PKD1: variants seen among roughly 807,000 people sequenced by gnomAD.
The protein encoded by PKD1 is polycystin-1.
Under a neutral mutation model 361.7 loss-of-function variants are expected in PKD1, and 81 were observed. The observed-to-expected ratio is 0.22, with a 90% CI of 0.19 to 0.27. The LOEUF (loss-of-function observed/expected upper bound fraction) is 0.27. Among genes scored for constraint, PKD1 ranks in the 10% least tolerant of loss-of-function variants. PKD1 has a pLI of 1.00. For missense variants in PKD1, 6,399 were observed against 6,118.3 expected, an observed-to-expected ratio of 1.05 and a Z score of -1.53; for synonymous variants, 3,615 against 2,818.3, an observed-to-expected ratio of 1.28 and a Z score of -8.95.
Position 2,097,733 on chromosome 16 carries a change from A to C in PKD1, c.10215T>G (p.Ser3405=). The change falls in exon 32 of 46, where the codon TCT becomes TCG. Residue 3405 remains serine, a synonymous_variant. Transcript: ENST00000262304. Reference sequence around the variant, plus strand: ...GGTTTCTCTAGGGAACCCACCTCTTAGAATCATCCAGAAACAAGTCACTCT... The same window carrying C: ...GGTTTCTCTAGGGAACCCACCTCTTCGAATCATCCAGAAACAAGTCACTCT... The part of the protein sequence containing the change: ...QMKSDLFLDD[S]KSLVCWPSGE... 3.1e-6 allele frequency: 5 copies of C among 1,611,148 alleles called. No individual in the cohort carries two copies. The highest frequency in any genetic ancestry group is 4.2e-6 in the Non-Finnish European group (5 of 1,179,800).
At position 2,114,639 on chromosome 16, in the gene PKD1, C is replaced by T. The variant is rs771151140; in HGVS notation, c.2384G>A (p.Arg795His). The change falls in exon 11 of 46, where the codon CGC becomes CAC. Residue 795 changes from arginine to histidine, a missense_variant. By Grantham distance (29) the Arg-to-His change is conservative (BLOSUM62 0). Transcript: ENST00000262304. Reference protein sequence around the residue: ...RPNPGLRLPGRYEVRAEVGNG... With the variant: ...RPNPGLRLPGHYEVRAEVGNG... ...GCCCACCTCTGCCCGGACCTCATAG[C>T]GCCCAGGCAGCCGCAGTCCAGGGTT... is the stretch of plus-strand genomic sequence containing the variant. The T allele has an allele frequency of 1.7e-5, 27 of 1,564,622 alleles. No individual in the cohort carries two copies. The highest frequency in any genetic ancestry group is 2.3e-5 in the South Asian group (2 of 86,808).
Position 2,103,714 on chromosome 16 carries a change from G to A in PKD1, c.8343C>T (p.Ile2781=), listed in dbSNP as rs141019984. The change falls in exon 23 of 46, where the codon ATC becomes ATT. Residue 2781 remains isoleucine (I), a synonymous_variant. Transcript: ENST00000262304. ...GGTCCGAGCGCTTGCCCTGGGCCAC[G>A]ATCTCCTCGCCCGCCAGCGTCAGGG... ...EEPLTLAGEE[I]VAQGKRSDPR... 28 of 1,609,928 alleles carry A rather than the reference G, an allele frequency of 1.7e-5. No individual in the cohort carries two copies. The East Asian group carries it at 3.6e-4, about 21-fold the overall frequency.
At position 2,102,988 on chromosome 16, in the gene PKD1, G is replaced by A. The variant is rs1032847730; in HGVS notation, c.8792-18C>T. 6 of 1,600,480 alleles carry A rather than the reference G, an allele frequency of 3.7e-6. No individual in the cohort carries two copies. In the African/African-American group the frequency reaches 5.3e-5, roughly 14 times the overall value. On this transcript the variant is annotated intron_variant, in intron 23 of 45. Coordinates refer to ENST00000262304, the MANE Select transcript of PKD1 (RefSeq NM_001009944.3). ...GTAGTGGCCTGGGGCAGAACGCGCA[G>A]GTCACACGCCTGCCGGGAAGCTCAA...
At chr16:2,125,494 G>A (rs920592654) in intron 1 of PKD1, among the ~76,000 whole-genome samples, 9 of 150,864 alleles carry the variant, frequency 6.0e-5, no homozygotes, top group Admixed American at 2.6e-4. Context: ...TGAGATGCCG[G>A]GGGTGACATG....
At position 2,108,789 on chromosome 16, in the gene PKD1, G is replaced by A. The variant is rs1349579701; in HGVS notation, c.6378C>T (p.Ala2126=). The A allele has an allele frequency of 1.6e-5, 25 of 1,570,334 alleles. No individual in the cohort carries two copies. The highest frequency in any genetic ancestry group is 2.7e-5 in the African/African-American group (2 of 73,758). ...RPGDYRVQVN[A]SNLVSFFVAQ... is the part of the protein sequence containing the mutation. ...CCACGAAGAAGCTCACCAGGTTGGA[G>A]GCGTTCACCTGCACGCGGTAGTCCC... Residue 2126 remains alanine (A), a synonymous_variant, in exon 15 of 46, where the codon GCC becomes GCT. Transcript: ENST00000262304.
At position 2,118,149 on chromosome 16, in the gene PKD1, G is replaced by A. The variant is rs760237424; in HGVS notation, c.843C>T (p.His281=). 56 of 1,587,030 alleles carry A rather than the reference G, an allele frequency of 3.5e-5. No homozygotes were observed. Among genetic ancestry groups the A allele is most frequent in the African/African-American group, 3.1e-4 (23 of 74,362 alleles). The change falls in exon 5 of 46, where the codon CAC becomes CAT. Residue 281 remains histidine (H), a synonymous_variant. Coordinates refer to ENST00000262304, the MANE Select transcript of PKD1 (RefSeq NM_001009944.3). The surrounding 1 kb of genome is among the most constrained non-coding windows in gnomAD (Gnocchi z 6.0). The part of the protein sequence containing the change: ...ASPGATLVGP[H]GPLASGQLAA... ...CTAGCTGGCCAGAGGCCAGAGGTCC[G>A]TGGGGCCCCACCAGGGTGGCCCCTG...
chr16:2,099,998 G>C lies in PKD1; in HGVS notation c.9786C>G (p.Ile3262Met). ...GCGGCCGGTCCCATATGGAGAGCCA[G>C]ATGTGCTTGTCAAAGAAGCCACGCT... ...ELQRGFFDKH[I>M]WLSIWDRPPR... Residue 3262 changes from isoleucine (I) to methionine (M), a missense_variant, in exon 29 of 46, where the codon ATC becomes ATG. Coordinates refer to ENST00000262304, the MANE Select transcript of PKD1 (RefSeq NM_001009944.3). 5 of 1,568,046 alleles carry C rather than the reference G, an allele frequency of 3.2e-6. No homozygotes were observed. Among genetic ancestry groups the C allele is most frequent in the Non-Finnish European group, 4.3e-6 (5 of 1,158,082 alleles).
intron 30 of PKD1, among the ~76,000 whole-genome samples, chr16:2,098,418 C>T (rs1325104067): frequency 6.7e-6 from 1 of 150,292 alleles, no homozygotes; most frequent in African/African-American, 2.5e-5. Flanking sequence ...CTGTGTTGGC[C>T]AGGCTGGTCT....
chr16:2,120,914 G>A (rs1321466538), intron 1 of PKD1, among the ~76,000 whole-genome samples: 1 of 152,106 alleles, frequency 6.6e-6, no homozygotes, highest in Non-Finnish European at 1.5e-5. Flanking sequence ...CCACTCAGGA[G>A]GCTGAGGCAG....
rs138617048 is a variant in PKD1 at position 2,110,806 on chromosome 16, G to A, written c.4361C>T (p.Ala1454Val). 1.3e-5 allele frequency: 21 copies of A among 1,611,372 alleles called. No homozygotes were observed. In the African/African-American group the frequency reaches 1.6e-4, roughly 12 times the overall value. Residue 1454 changes from alanine to valine, a missense_variant, in exon 15 of 46, where the codon GCC (alanine) becomes GTC (valine). Ala to Val is a moderately conservative substitution (Grantham distance 64). Coordinates refer to ENST00000262304, the MANE Select transcript of PKD1 (RefSeq NM_001009944.3). ...CACCTCCACCAGGGCTGAGTCATTG[G>A]CAGCAGAGATGTTGTTGGACGCGGT... ...TVTASNNISA[A>V]NDSALVEVQE...
At chr16:2,105,835 A>G (rs1320283499) in intron 20 of PKD1, 30 bp downstream of exon 20, 1 of 1,589,656 alleles carries the variant, frequency 6.3e-7, no homozygotes, top group East Asian at 2.2e-5. Flanking sequence ...CATGCAGCAG[A>G]TGTGACGTCC....
chr16:2,129,193 C>T (rs2092836847), intron 1 of PKD1, among the ~76,000 whole-genome samples: 1 of 146,512 alleles, frequency 6.8e-6, no homozygotes, highest in South Asian at 2.2e-4. Flanking sequence ...AGACCGTTTC[C>T]TAGTCGCCCA....
chr16:2,094,120 C>T lies in PKD1; in HGVS notation c.10590G>A (p.Gln3530=). The change falls in exon 35 of 46, where the codon CAG becomes CAA. Residue 3530 remains glutamine (Q), a synonymous_variant. Transcript: ENST00000262304. ...TCCTGGACAGCCTCGCTGCCTGGGG[C>T]TGTTCCCAGTTCAGGCCTGGGCTGG... ...GPPSPGLNWE[Q]PQAARLSRTG... is the part of the protein sequence containing the mutation. The T allele has an allele frequency of 6.3e-7, 1 of 1,593,704 alleles. No individual in the cohort carries two copies. Among genetic ancestry groups the T allele is most frequent in the Non-Finnish European group, 8.5e-7 (1 of 1,169,802 alleles).
At chr16:2,126,966 C>A (rs1049573636) in intron 1 of PKD1, among the ~76,000 whole-genome samples, 1 of 152,194 alleles carries the variant, frequency 6.6e-6, no homozygotes, top group African/African-American at 2.4e-5. Flanking sequence ...GCCAGCGCAT[C>A]ACCCACTCAT....
Position 2,092,553 on chromosome 16 carries a change from C to A in PKD1, c.11196G>T (p.Leu3732=), listed in dbSNP as rs1373709666. The stretch of plus-strand genomic sequence containing the variant: ...TGGACTGGTTCCCGTGGACGTAGGG[C>A]AGCAGCACGTGGGCCATCCATGGCC... ...ELWPWMAHVL[L]PYVHGNQSSP... is the part of the protein sequence containing the mutation. Residue 3732 remains leucine (L), a synonymous_variant, in exon 39 of 46, where the codon CTG becomes CTT. Coordinates refer to ENST00000262304, the MANE Select transcript of PKD1 (RefSeq NM_001009944.3). 7.4e-6 allele frequency: 12 copies of A among 1,612,528 alleles called. No homozygotes were observed. Among genetic ancestry groups the A allele is most frequent in the Non-Finnish European group, 1.0e-5 (12 of 1,179,816 alleles).
chr16:2,107,424 G>A (rs2151780398), intron 16 of PKD1: 1 of 360,038 alleles, frequency 2.8e-6, no homozygotes, highest in Non-Finnish European at 5.3e-6. Flanking sequence ...GAGGAAAGCA[G>A]GGACTGGGGA....
chr16:2,111,653 G>C lies in PKD1; in HGVS notation c.3514C>G (p.Gln1172Glu). The change falls in exon 15 of 46, where the codon CAG becomes GAG. Residue 1172 changes from glutamine (Q) to glutamate (E), a missense_variant. Coordinates refer to ENST00000262304, the MANE Select transcript of PKD1 (RefSeq NM_001009944.3). ...DFGDGSPVLT[Q>E]SQPAANHTYA... ...GTGTGGTTGGCAGCCGGCTGGCTCT[G>C]GGTCAGGACAGGGGAGCCGTCCCCG... 2 of 1,574,358 alleles carry C rather than the reference G, an allele frequency of 1.3e-6. No individual in the cohort carries two copies. The highest frequency in any genetic ancestry group is 1.7e-6 in the Non-Finnish European group (2 of 1,161,348).
chr16:2,097,006 G>T, intron 34 of PKD1, 142 bp downstream of exon 34: 1 of 668,998 alleles, frequency 1.5e-6, no homozygotes, highest in Non-Finnish European at 2.7e-6. Flanking sequence ...GACAACAGAG[G>T]TTCAGAGAAG....
Position 2,090,926 on chromosome 16 carries a change from G to T in PKD1, c.11961C>A (p.Ala3987=). Residue 3987 remains alanine, a synonymous_variant, in exon 43 of 46, where the codon GCC becomes GCA. Coordinates refer to ENST00000262304, the MANE Select transcript of PKD1 (RefSeq NM_001009944.3). The part of the protein sequence containing the change: ...FDQVAQLSSA[A]RGLAASLLFL... ...AGAGCAGCGAGGCCGCCAGGCCACG[G>T]GCTGCGGAGCTCAGCTGCGCCACCT... is the stretch of plus-strand genomic sequence containing the variant. The T allele has an allele frequency of 6.3e-7, 1 of 1,582,780 alleles. No homozygotes were observed. Among genetic ancestry groups the T allele is most frequent in the Non-Finnish European group, 8.5e-7 (1 of 1,171,250 alleles).
Sources: allele counts gnomAD v4.1 joint callset (sites outside exome capture counted in the v4.1 genomes callset), GRCh38; gene constraint gnomAD v4.1.1; non-coding constraint Gnocchi (gnomAD v3.1); transcripts MANE v1.5; gene names NCBI Gene and HGNC (gene_info 2026-07-23, HGNC 2026-07-21).